Variants in DENND3 observed in about 807,000 individuals in gnomAD.
DENND3 encodes the protein DENN domain containing 3.
A neutral mutation model predicts 135.1 loss-of-function variants in DENND3; 88 were observed. The ratio of observed to expected loss-of-function variants is 0.65; its 90% CI spans 0.55 to 0.78. The LOEUF is 0.78. Ranked by LOEUF, DENND3 falls within the 30% of genes least tolerant of loss-of-function variation. The pLI is 0.00. For missense variants in DENND3, 1,392 were observed against 1,688.4 expected (o/e 0.82, Z 3.08); for synonymous variants, 693 against 712.3 (o/e 0.97, Z 0.43).
intron 5 of DENND3, chr8:141,150,406 G>T (rs1818657939): frequency 1.0e-6 from 1 of 970,346 alleles, no homozygotes; most frequent in Admixed American, 3.5e-5. Context: ...TCTTGAAGGA[G>T]CTTTGACTAT....
At position 141,141,051 on chromosome 8, in the gene DENND3, C is replaced by T. The variant is rs1030151550; in HGVS notation, c.502-152C>T. On this transcript the variant is annotated intron_variant, in intron 3 of 22. Transcript: ENST00000519811. This position sits in a 1 kb window ranked among gnomAD's most constrained non-coding sequence, Gnocchi z 5.3. ...CACCAAATAGGGACCCCGTAGACTT[C>T]GACCGGAGGGCCGGTGCTGGCTTGG... 4.6e-5 allele frequency: 56 copies of T among 1,213,344 alleles called. No individual in the cohort carries two copies. Among genetic ancestry groups the T allele is most frequent in the Middle Eastern group, 2.2e-4 (1 of 4,536 alleles). The allele number at this position is 1,213,344 out of a possible 1,614,324, so 75.2% of individuals were successfully genotyped here.
chr8:141,135,368 C>T (rs1481479455), intron 1 of DENND3, among the ~76,000 whole-genome samples: 1 of 151,788 alleles, frequency 6.6e-6, no homozygotes, highest in African/African-American at 2.4e-5. Flanking sequence ...CCCAGGCTGG[C>T]CTTGAACTCC....
At position 141,141,507 on chromosome 8, in the gene DENND3, T is replaced by G; in HGVS notation, c.623+183T>G. On this transcript the variant is annotated intron_variant, in intron 4 of 22. Transcript: ENST00000519811. This position sits in a 1 kb window ranked among gnomAD's most constrained non-coding sequence, Gnocchi z 5.3. ...CAGTTCTCTGTGCCTCTTAGGCTGT[T>G]GCTTAAGGCTGGGGGCAGTGGGCAG... is the stretch of plus-strand genomic sequence containing the variant. 5.6e-5 allele frequency: 29 copies of G among 519,574 alleles called. No homozygotes were observed. The highest frequency in any genetic ancestry group is 6.1e-5 in the Non-Finnish European group (19 of 310,598). The allele number at this position is 519,574 out of a possible 1,614,324, so 32.2% of individuals were successfully genotyped here. A position where few individuals can be genotyped will look rare whatever the true frequency, so the allele number is the denominator to read the frequency against.
At chr8:141,191,604 G>C (rs535904493) in intron 20 of DENND3, 3 of 152,448 alleles carry the variant, frequency 2.0e-5, no homozygotes, top group African/African-American at 7.2e-5. Context: ...CGGGAGTGAA[G>C]TGGCGTCTTG....
chr8:141,166,556 T>A lies in DENND3; in HGVS notation c.1753+167T>A, dbSNP rs1204079821. Among the ~76,000 whole-genome samples, 1 of 152,250 alleles carries A rather than the reference T, an allele frequency of 6.6e-6. No individual in the cohort carries two copies. Among genetic ancestry groups the A allele is most frequent in the Non-Finnish European group, 1.5e-5 (1 of 68,044 alleles). Reference sequence around the variant, plus strand: ...ATTCATTTTGCCAAGGTATGCCTTCTAGAAAATTATTTCTCGTCTGTATTT... The same window carrying A: ...ATTCATTTTGCCAAGGTATGCCTTCAAGAAAATTATTTCTCGTCTGTATTT... On this transcript the variant is annotated intron_variant, in intron 12 of 22. Transcript: ENST00000519811. The surrounding 1 kb of genome is among the most constrained non-coding windows in gnomAD (Gnocchi z 4.3).
chr8:141,186,085 C>G (rs889033683), intron 18 of DENND3, among the ~76,000 whole-genome samples: 3 of 151,788 alleles, frequency 2.0e-5, no homozygotes, highest in Non-Finnish European at 4.4e-5. Context: ...ACTACAGGTG[C>G]ATGCTACCAT....
At chr8:141,147,570 G>C (rs945177608) in intron 5 of DENND3, among the ~76,000 whole-genome samples, 1 of 152,156 alleles carries the variant, frequency 6.6e-6, no homozygotes, top group Non-Finnish European at 1.5e-5. Flanking sequence ...GCTCATCTCT[G>C]GTCACTCTCA....
intron 5 of DENND3, among the ~76,000 whole-genome samples, chr8:141,149,036 G>A (rs1004164027): frequency 1.3e-5 from 2 of 151,604 alleles, no homozygotes; most frequent in African/African-American, 4.9e-5. Context: ...TCAACCTCCC[G>A]AGTAGCTGGG....
intron 5 of DENND3, among the ~76,000 whole-genome samples, 194 bp from the exon 6 acceptor site, chr8:141,150,640 T>G (rs566112813): frequency 1.3e-5 from 2 of 152,258 alleles, no homozygotes; most frequent in Non-Finnish European, 2.9e-5. Flanking sequence ...ACTTAATTTA[T>G]GTTTGAGCCT....
rs1212572757 is a variant in DENND3, at chr8:141,136,360, C to T, written c.103-149C>T. 3.7e-6 allele frequency: 3 copies of T among 815,636 alleles called. No homozygotes were observed. The South Asian group carries it at 5.7e-5, about 16-fold the overall frequency. 50.5% of individuals were successfully genotyped at this position (815,636 alleles called of 1,614,324 possible). ...TGGCAGGTTCCTAAAAGAAGCTTCC[C>T]AGGAGCCCTTTACTGTTAGGAGCCT... On this transcript the variant is annotated intron_variant, in intron 1 of 22. Coordinates refer to ENST00000519811, the MANE Select transcript of DENND3 (RefSeq NM_001352890.3).
intron 5 of DENND3, among the ~76,000 whole-genome samples, chr8:141,148,064 G>A (rs948309477): frequency 6.6e-6 from 1 of 152,238 alleles, no homozygotes; most frequent in Non-Finnish European, 1.5e-5. Context: ...CAAGAGGTCA[G>A]TGTAGGCCAA....
At chr8:141,169,207 G>A (rs1278456237) in intron 13 of DENND3, among the ~76,000 whole-genome samples, 1 of 152,244 alleles carries the variant, frequency 6.6e-6, no homozygotes, top group African/African-American at 2.4e-5. Context: ...CAGCAGTGGT[G>A]AGGTAAGCCG....
Position 141,151,582 on chromosome 8 carries a change from A to T in DENND3, c.856-37A>T, listed in dbSNP as rs537792623. ...CCCTGTCTGTATTTTTTTTTTTTTT[A>T]AAAGCATGTACTCAGTGCGGCGGGT... On this transcript the variant is annotated intron_variant, in intron 6 of 22. Transcript: ENST00000519811. 4.3e-4 allele frequency: 621 copies of T among 1,457,380 alleles called. 1 individual carries two copies. Among genetic ancestry groups the T allele is most frequent in the African/African-American group, 2.1e-3 (137 of 65,392 alleles). 90.3% of individuals were successfully genotyped at this position (1,457,380 alleles called of 1,614,324 possible).
In DENND3 at chr8:141,173,048, G is replaced by A. The variant is rs72681542; in HGVS notation, c.2276-2152G>A. ...TGGCTGAGGCACCCCAGTCAGAGGC[G>A]GAGGTGGCTGCATTGGGTGCTATTT... On this transcript the variant is annotated intron_variant, in intron 13 of 22. Coordinates refer to ENST00000519811, the MANE Select transcript of DENND3 (RefSeq NM_001352890.3). Among the ~76,000 whole-genome samples, 888 of 151,816 alleles carry A rather than the reference G, an allele frequency of 5.8e-3. 7 individuals carry two copies. The highest frequency in any genetic ancestry group is 0.01 in the Middle Eastern group (3 of 292).
At chr8:141,135,399 G>A (rs1274437442) in intron 1 of DENND3, among the ~76,000 whole-genome samples, 2 of 152,048 alleles carry the variant, frequency 1.3e-5, no homozygotes, top group East Asian at 1.9e-4. Flanking sequence ...CAGTCCTCCC[G>A]CTTTGGCCTC....
Position 141,158,383 on chromosome 8 carries a change from A to G in DENND3, c.1197-2249A>G. On this transcript the variant is annotated intron_variant, in intron 8 of 22. Transcript: ENST00000519811. ...TGTTGAAGCTCTGAGCATTCCCAGG[A>G]AGGTAGGATTCTGCCTGCATCCTCA... The G allele has an allele frequency of 1.0e-5, 12 of 1,144,122 alleles. No homozygotes were observed. In the South Asian group the frequency reaches 1.9e-4, roughly 18 times the overall value. The allele number at this position is 1,144,122 out of a possible 1,614,324, so 70.9% of individuals were successfully genotyped here.
Position 141,168,631 on chromosome 8 carries a change from C to T in DENND3, c.2275+106C>T, listed in dbSNP as rs1488388829. ...GGCAATCACAGCTCACTGCAACCTC[C>T]ACCTCCTGGGCTCAAGCAGTCCTCC... On this transcript the variant is annotated intron_variant, in intron 13 of 22. Coordinates refer to ENST00000519811, the MANE Select transcript of DENND3 (RefSeq NM_001352890.3). This position sits in a 1 kb window ranked among gnomAD's most constrained non-coding sequence, Gnocchi z 6.2. 1 of 1,391,468 alleles carries T rather than the reference C, an allele frequency of 7.2e-7. No individual in the cohort carries two copies. Among genetic ancestry groups the T allele is most frequent in the East Asian group, 2.5e-5 (1 of 40,018 alleles). 86.2% of individuals were successfully genotyped at this position (1,391,468 alleles called of 1,614,324 possible).
intron 15 of DENND3, 102 bp downstream of exon 15, chr8:141,176,863 CG>C (rs1181558057): frequency 1.2e-4 from 165 of 1,355,638 alleles, no homozygotes; most frequent in Middle Eastern, 2.7e-4. Context: ...TGCTCGGGCT[CG>C]GGTCTGAGTG....
chr8:141,156,497 A>G (rs1819445627), intron 8 of DENND3, among the ~76,000 whole-genome samples: 1 of 152,030 alleles, frequency 6.6e-6, no homozygotes, highest in South Asian at 2.1e-4. Flanking sequence ...AACCTACTCA[A>G]CCTCTGTGCT....
Sources: gnomAD v4.1 joint callset for allele counts (sites outside exome capture counted in the v4.1 genomes callset) on GRCh38, gnomAD v4.1.1 for gene constraint, Gnocchi (gnomAD v3.1) non-coding constraint, MANE v1.5 for transcripts, NCBI Gene and HGNC (gene_info 2026-07-23, HGNC 2026-07-21) for gene names.